Variants in DNAH7 observed in about 807,000 individuals in gnomAD.
DNAH7 encodes the protein dynein axonemal heavy chain 7.
DNAH7 carries 397 observed loss-of-function variants against 444.6 expected under a neutral mutation model. That is an observed-to-expected ratio of 0.89 (90% confidence interval 0.82 to 0.97). The LOEUF (loss-of-function observed/expected upper bound fraction) is 0.97, where lower values mean the gene tolerates loss of function less well. Among genes scored for constraint, DNAH7 ranks in the 50% least tolerant of loss-of-function variants. The pLI is 0.00. For missense variants in DNAH7, 4,902 were observed against 4,800.8 expected, an observed-to-expected ratio of 1.02 and a Z score of -0.62; for synonymous variants, 1,636 against 1,624.4, an observed-to-expected ratio of 1.01 and a Z score of -0.17.
chr2:195,950,887 C>T (rs1268594904), intron 19 of DNAH7, among the ~76,000 whole-genome samples: 3 of 132,220 alleles, frequency 2.3e-5, no homozygotes, highest in Non-Finnish European at 4.8e-5. Context: ...AAACCCAGCT[C>T]CTGGATTCAA....
At chr2:195,796,851 CA>C in intron 55 of DNAH7, 114 bp from the exon 56 acceptor site, 2 of 1,136,708 alleles carry the variant, frequency 1.8e-6, no homozygotes, top group Non-Finnish European at 1.2e-6. Flanking sequence ...TCACATGTCT[CA>C]AAAAGCCAAA....
intron 5 of DNAH7, among the ~76,000 whole-genome samples, chr2:196,045,306 G>GAA (rs112529824): frequency 6.8e-5 from 10 of 146,908 alleles, no homozygotes; most frequent in East Asian, 4.0e-4. Context: ...AAAGAAAAAA[G>GAA]AAAAAAAAGA....
intron 39 of DNAH7, among the ~76,000 whole-genome samples, chr2:195,873,266 A>G (rs1700826401): frequency 6.6e-6 from 1 of 152,238 alleles, no homozygotes; most frequent in South Asian, 2.1e-4. Flanking sequence ...CTCAAGTTCT[A>G]CTAGAGGGTA....
chr2:195,886,671 T>C (rs1701731176), intron 33 of DNAH7, among the ~76,000 whole-genome samples: 1 of 152,226 alleles, frequency 6.6e-6, no homozygotes, highest in Non-Finnish European at 1.5e-5. Context: ...ATACTCATGG[T>C]AAACTCATCA....
chr2:195,835,538 G>C (rs950758121), intron 47 of DNAH7, among the ~76,000 whole-genome samples: 1 of 152,076 alleles, frequency 6.6e-6, no homozygotes, highest in Admixed American at 6.6e-5. Context: ...TTATTAGTTA[G>C]AGCCTGGTAT....
intron 39 of DNAH7, among the ~76,000 whole-genome samples, 174 bp downstream of exon 39, chr2:195,873,394 T>C (rs1276954233): frequency 6.6e-6 from 1 of 152,226 alleles, no homozygotes; most frequent in Non-Finnish European, 1.5e-5. Flanking sequence ...CAGACCTCTT[T>C]GTGTTATGCT....
rs555892064 is a variant in DNAH7, at chr2:195,940,038, G to T, written c.3079-3246C>A. Among the ~76,000 whole-genome samples the T allele has an allele frequency of 7.2e-5, 11 of 152,200 alleles. No homozygotes were observed. The South Asian group carries it at 2.1e-3, about 29-fold the overall frequency. ...AAGAAACTACTTTAAATTTCACATG[G>T]AACCAGAAAAGAGCCCTTATAGCCA... On this transcript the variant is annotated intron_variant, in intron 19 of 64. Transcript: ENST00000312428.
Position 195,871,846 on chromosome 2 carries a change from G to A in DNAH7, c.6633+404C>T, listed in dbSNP as rs1328320648. Among the ~76,000 whole-genome samples the A allele has an allele frequency of 2.7e-5, 3 of 111,272 alleles. 1 individual carries two copies. The highest frequency in any genetic ancestry group is 4.2e-3 in the Middle Eastern group (1 of 236). The allele number at this position is 111,272 out of a possible 152,430, so 73.0% of individuals were successfully genotyped here. A position where few individuals can be genotyped will look rare whatever the true frequency, so the allele number is the denominator to read the frequency against. ...CTTGGGAGGCTTAGGCAGGAGAATG[G>A]CGTGAACCCGGGAGGTGGAGCTTGC... On this transcript the variant is annotated intron_variant, in intron 40 of 64. Transcript: ENST00000312428.
In DNAH7 at chr2:195,809,771, T is replaced by C. The variant is rs2124859106; in HGVS notation, c.9862A>G (p.Ile3288Val). ...DKLLFSFCLT[I>V]NLLLHERAIN... The stretch of plus-strand genomic sequence containing the variant: ...GCCCGCTCATGCAGCAGTAGATTTA[T>C]GGTTAGACAAAAGGAAAAGAGCAGC... Residue 3288 changes from isoleucine (I) to valine (V), a missense_variant, in exon 52 of 65, where the codon ATA (isoleucine) becomes GTA (valine). Transcript: ENST00000312428. 1.3e-6 allele frequency: 2 copies of C among 1,599,120 alleles called. No individual in the cohort carries two copies. Among genetic ancestry groups the C allele is most frequent in the Non-Finnish European group, 8.5e-7 (1 of 1,172,214 alleles).
chr2:196,002,005 G>A (rs572549035), intron 10 of DNAH7, 147 bp from the exon 11 acceptor site: 6 of 554,434 alleles, frequency 1.1e-5, no homozygotes, highest in Admixed American at 4.2e-5. Context: ...CGAAATGTAA[G>A]TGTTAAAATA....
chr2:195,869,594 C>T (rs947883626), intron 40 of DNAH7, among the ~76,000 whole-genome samples: 4 of 152,046 alleles, frequency 2.6e-5, no homozygotes, highest in African/African-American at 9.7e-5. Context: ...TATTAAAAAG[C>T]TTCAACTAGA....
chr2:195,923,876 A>C, intron 22 of DNAH7, 69 bp from the exon 23 acceptor site: 2 of 1,269,326 alleles, frequency 1.6e-6, no homozygotes, highest in Non-Finnish European at 2.3e-6. Context: ...AACATTCTGA[A>C]CTAGTATATA....
chr2:195,808,097 G>T (rs1696793893), intron 53 of DNAH7, among the ~76,000 whole-genome samples: 1 of 151,956 alleles, frequency 6.6e-6, no homozygotes, highest in African/African-American at 2.4e-5. Context: ...AGAAACAAAG[G>T]AATAGAAAAA....
At chr2:196,043,287 C>T (rs74615307) in intron 5 of DNAH7, among the ~76,000 whole-genome samples, 8,683 of 151,726 alleles carry the variant, frequency 0.057, 360 homozygotes, top group Non-Finnish European at 0.088. Context: ...ATGTTCCCCC[C>T]AAAAAAGGTT....
chr2:196,020,201 A>T (rs1695291544), intron 8 of DNAH7, among the ~76,000 whole-genome samples: 3 of 152,144 alleles, frequency 2.0e-5, no homozygotes, highest in Non-Finnish European at 4.4e-5. Context: ...TTATGTTATC[A>T]GTAAGGTTTC....
At chr2:195,921,292 A>C (rs1041879668) in intron 24 of DNAH7, among the ~76,000 whole-genome samples, 1 of 152,086 alleles carries the variant, frequency 6.6e-6, no homozygotes, top group Non-Finnish European at 1.5e-5. Flanking sequence ...TTGCACTTGC[A>C]AAAATATGGA....
At chr2:196,060,665 A>G (rs1698086080) in intron 1 of DNAH7, among the ~76,000 whole-genome samples, 1 of 152,138 alleles carries the variant, frequency 6.6e-6, no homozygotes, top group Non-Finnish European at 1.5e-5. Context: ...CCCTCTAGCA[A>G]TTGCCCGATT....
intron 61 of DNAH7, among the ~76,000 whole-genome samples, chr2:195,768,488 T>C (rs1192945708): frequency 2.0e-5 from 3 of 151,976 alleles, no homozygotes; most frequent in Non-Finnish European, 2.9e-5. Flanking sequence ...TAATCACTTA[T>C]TGAAACAATG....
intron 34 of DNAH7, among the ~76,000 whole-genome samples, chr2:195,885,285 G>T (rs1421311369): frequency 6.6e-6 from 1 of 152,106 alleles, no homozygotes; most frequent in Non-Finnish European, 1.5e-5. Flanking sequence ...TTGCAATTCT[G>T]CAAGCAAAAG....
Sources: allele counts gnomAD v4.1 joint callset (sites outside exome capture counted in the v4.1 genomes callset), GRCh38; gene constraint gnomAD v4.1.1; transcripts MANE v1.5; gene names NCBI Gene and HGNC (gene_info 2026-07-23, HGNC 2026-07-21).